UHRF1: variants seen among roughly 807,000 people sequenced by gnomAD.
UHRF1 encodes the protein E3 ubiquitin-protein ligase UHRF1.
A neutral mutation model predicts 96.5 loss-of-function variants in UHRF1; 9 were observed. That is an observed-to-expected ratio of 0.09 (90% CI 0.06 to 0.16). UHRF1 has a LOEUF of 0.16. UHRF1 is among the 10% of genes least tolerant of loss of function. UHRF1 has a pLI of 1.00. For missense variants in UHRF1, 626 were observed against 1,131.1 expected (o/e 0.55, Z 6.40); for synonymous variants, 455 against 469.9 (o/e 0.97, Z 0.41).
intron 1 of UHRF1, 151 bp downstream of exon 1, chr19:4,909,806 G>C (rs2032179507): frequency 2.3e-6 from 1 of 437,528 alleles, no homozygotes; most frequent in Non-Finnish European, 4.0e-6. Flanking sequence ...CCTAACCCTC[G>C]GGAATCGTTC....
At chr19:4,916,143 A>G (rs1023181448) in intron 2 of UHRF1, among the ~76,000 whole-genome samples, 1 of 152,078 alleles carries the variant, frequency 6.6e-6, no homozygotes, top group African/African-American at 2.4e-5. Flanking sequence ...CCCCGTCTCT[A>G]CAAAAAATGA....
chr19:4,952,003 T>C (rs1351864185), intron 13 of UHRF1, among the ~76,000 whole-genome samples: 1 of 152,180 alleles, frequency 6.6e-6, no homozygotes, highest in Non-Finnish European at 1.5e-5. Flanking sequence ...TTGAATGGAT[T>C]TGTACGGTGG....
rs978222560 is a variant in UHRF1 at position 4,945,552 on chromosome 19, C to T, written c.1306-309C>T. ...GGGATTACAGGTGTGAGCCACCGTG[C>T]CTGGCCGTCACCCCCCATTTTCTAG... On this transcript the variant is annotated intron_variant, in intron 9 of 16. Transcript: ENST00000650932. Among the ~76,000 whole-genome samples the T allele has an allele frequency of 3.9e-5, 6 of 152,126 alleles. No homozygotes were observed. The South Asian group carries it at 6.2e-4, about 16-fold the overall frequency.
At chr19:4,931,655 G>C (rs1354735087) in intron 4 of UHRF1, among the ~76,000 whole-genome samples, 4 of 151,436 alleles carry the variant, frequency 2.6e-5, no homozygotes, top group Admixed American at 1.3e-4. Flanking sequence ...TTTCAGAAGA[G>C]ATGGGGTTTC....
intron 2 of UHRF1, 114 bp from the exon 3 acceptor site, chr19:4,929,108 G>A (rs1263314870): frequency 8.0e-6 from 11 of 1,379,516 alleles, no homozygotes; most frequent in African/African-American, 5.5e-5. Flanking sequence ...CTCTGATGCA[G>A]ATTGCCCCCC....
At position 4,920,579 on chromosome 19, in the gene UHRF1, G is replaced by A. The variant is rs552092679; in HGVS notation, c.154-8643G>A. ...TGTTTAAGAGATGGGATCTTGCTGT[G>A]TTGATCAGGGTGGAGCACAGTGGCT... is the stretch of plus-strand genomic sequence containing the variant. On this transcript the variant is annotated intron_variant, in intron 2 of 16. Coordinates refer to ENST00000650932, the MANE Select transcript of UHRF1 (RefSeq NM_001048201.3). 1.4e-4 allele frequency among the ~76,000 whole-genome samples: 21 copies of A among 152,246 alleles called. No homozygotes were observed. In the South Asian group the frequency reaches 3.5e-3, roughly 26 times the overall value.
chr19:4,940,345 G>A (rs1394351854), intron 5 of UHRF1, among the ~76,000 whole-genome samples: 1 of 147,440 alleles, frequency 6.8e-6, no homozygotes, highest in Middle Eastern at 3.2e-3. Flanking sequence ...ATTGGATCAA[G>A]CGTTGCCTTT....
chr19:4,951,037 C>A (rs367643230), intron 13 of UHRF1, 41 bp downstream of exon 13: 7 of 1,541,330 alleles, frequency 4.5e-6, no homozygotes, highest in Non-Finnish European at 6.1e-6. Context: ...GAGGCCAAGG[C>A]GGATGGATCA....
intron 11 of UHRF1, among the ~76,000 whole-genome samples, chr19:4,949,846 G>T (rs1185010530): frequency 4.0e-5 from 6 of 149,448 alleles, no homozygotes; most frequent in Non-Finnish European, 8.9e-5. Flanking sequence ...CTTTTTGTTT[G>T]TTTTTTTTTT....
At position 4,929,159 on chromosome 19, in the gene UHRF1, T is replaced by G. The variant is rs1283054098; in HGVS notation, c.154-63T>G. 1.9e-6 allele frequency: 3 copies of G among 1,564,116 alleles called. No homozygotes were observed. In the African/African-American group the frequency reaches 4.0e-5, roughly 21 times the overall value. ...GACACAGTGTTTGGTTCATCACTGG[T>G]GCCCACAGATGCCCACTTGGCATTT... is the stretch of plus-strand genomic sequence containing the variant. On this transcript the variant is annotated intron_variant, in intron 2 of 16. Transcript: ENST00000650932.
At chr19:4,907,516 T>G (rs1599229023), upstream of UHRF1, among the ~76,000 whole-genome samples, 1 of 152,072 alleles carries the variant, frequency 6.6e-6, no homozygotes, top group Non-Finnish European at 1.5e-5. Context: ...GTTATCTGCC[T>G]GCCTCGGCCT....
intron 5 of UHRF1, among the ~76,000 whole-genome samples, chr19:4,938,730 G>GGTTTTTTTTTTTTTTTTTTTTT: frequency 1.6e-5 from 1 of 61,566 alleles, no homozygotes; most frequent in Non-Finnish European, 2.9e-5. Context: ...TTTTGGTCAG[G>GGTTTTTTTTTTTTTTTTTTTTT]TTTTTTTTTT....
At chr19:4,944,321 T>A in intron 8 of UHRF1, 22 bp from the exon 9 acceptor site, 1 of 1,614,026 alleles carries the variant, frequency 6.2e-7, no homozygotes, top group Non-Finnish European at 8.5e-7. Flanking sequence ...GCTGTTGTTC[T>A]TTGTGTCTGT....
chr19:4,959,847 G>A (rs896614560), intron 16 of UHRF1, among the ~76,000 whole-genome samples: 1 of 151,466 alleles, frequency 6.6e-6, no homozygotes, highest in Non-Finnish European at 1.5e-5. Flanking sequence ...AGCCACGCCC[G>A]GCTAATTTTT....
upstream of UHRF1, among the ~76,000 whole-genome samples, chr19:4,907,449 A>T (rs1359541286): frequency 6.6e-6 from 1 of 151,696 alleles, no homozygotes; most frequent in Non-Finnish European, 1.5e-5. Context: ...TTGTATTTTT[A>T]GTAGAGATGG....
intron 7 of UHRF1, among the ~76,000 whole-genome samples, chr19:4,943,902 C>T (rs1336029202): frequency 3.9e-5 from 6 of 152,298 alleles, no homozygotes; most frequent in South Asian, 2.1e-4. Flanking sequence ...CTGCCCGCCT[C>T]GGCCTCCCAA....
rs1471906203 is a variant in UHRF1 at position 4,954,921 on chromosome 19, C to T, written c.2130+99C>T. 4 of 1,439,222 alleles carry T rather than the reference C, an allele frequency of 2.8e-6. No homozygotes were observed. The highest frequency in any genetic ancestry group is 2.8e-5 in the African/African-American group (2 of 71,092). 89.2% of individuals were successfully genotyped at this position (1,439,222 alleles called of 1,614,324 possible). A position where few individuals can be genotyped will look rare whatever the true frequency, so the allele number is the denominator to read the frequency against. The stretch of plus-strand genomic sequence containing the variant: ...GTTCCCCATTTTCAAGTGTACAGCT[C>T]AGTCGCACTGAGTACATTCTTGTGG... On this transcript the variant is annotated intron_variant, in intron 15 of 16. Transcript: ENST00000650932. The surrounding 1 kb of genome is among the most constrained non-coding windows in gnomAD (Gnocchi z 5.9).
At chr19:4,923,747 G>A (rs2032778042) in intron 2 of UHRF1, among the ~76,000 whole-genome samples, 2 of 152,312 alleles carry the variant, frequency 1.3e-5, no homozygotes, top group East Asian at 1.9e-4. Context: ...CGCTCCTGGC[G>A]TGGAGTAGGT....
At chr19:4,923,987 G>A (rs562180650) in intron 2 of UHRF1, among the ~76,000 whole-genome samples, 4 of 152,266 alleles carry the variant, frequency 2.6e-5, no homozygotes, top group Non-Finnish European at 5.9e-5. Context: ...CTCTTTTTAA[G>A]ACGGAGTCTC....
Sources: gnomAD v4.1 joint callset for allele counts (sites outside exome capture counted in the v4.1 genomes callset) on GRCh38, gnomAD v4.1.1 for gene constraint, Gnocchi (gnomAD v3.1) non-coding constraint, MANE v1.5 for transcripts, NCBI Gene and HGNC (gene_info 2026-07-23, HGNC 2026-07-21) for gene names.